Variants in PTPRR observed in about 807,000 individuals in gnomAD.
The protein encoded by PTPRR is protein tyrosine phosphatase receptor type R, also known as receptor-type tyrosine-protein phosphatase R.
PTPRR carries 38 observed loss-of-function variants against 77.2 expected under a neutral mutation model. That is an observed-to-expected ratio of 0.49 (90% CI 0.38 to 0.65). PTPRR has a LOEUF of 0.65. Ranked by LOEUF, PTPRR falls within the 30% of genes least tolerant of loss-of-function variation. PTPRR has a pLI of 0.00. For missense variants in PTPRR, 744 were observed against 799.2 expected, an observed-to-expected ratio of 0.93 and a Z score of 0.83; for synonymous variants, 299 against 283.1, an observed-to-expected ratio of 1.06 and a Z score of -0.57.
intron 6 of PTPRR, among the ~76,000 whole-genome samples, chr12:70,733,470 C>CAAA (rs1193950231): frequency 4.1e-4 from 30 of 74,064 alleles, no homozygotes; most frequent in African/African-American, 1.0e-3. Context: ...AAAATTATGG[C>CAAA]AAAAAAAAAA....
intron 13 of PTPRR, among the ~76,000 whole-genome samples, chr12:70,649,560 G>A (rs1460975498): frequency 6.6e-6 from 1 of 152,024 alleles, no homozygotes; most frequent in Non-Finnish European, 1.5e-5. Context: ...CTTTTAATTA[G>A]TTGGTTCCAC....
Position 70,812,988 on chromosome 12 carries a change from C to A in PTPRR, c.358-48210G>T, listed in dbSNP as rs369813004. 7.9e-4 allele frequency among the ~76,000 whole-genome samples: 121 copies of A among 152,280 alleles called. 1 individual carries two copies. Among genetic ancestry groups the A allele is most frequent in the South Asian group, 5.8e-3 (28 of 4,828 alleles). On this transcript the variant is annotated intron_variant, in intron 2 of 13. Coordinates refer to ENST00000283228, the MANE Select transcript of PTPRR (RefSeq NM_002849.4). ...GAGTATCAAATTAGTTTTAACTTTT[C>A]AAATCTGAGAGAAAGAATTTTAGAA...
chr12:70,850,857 C>T (rs764341475), intron 2 of PTPRR, among the ~76,000 whole-genome samples: 9 of 152,288 alleles, frequency 5.9e-5, no homozygotes, highest in Middle Eastern at 3.4e-3. Flanking sequence ...TTGCTTTGCA[C>T]ACAATACAAC....
At chr12:70,665,361 ATTCTTTTTTT>A (rs1391239478) in intron 10 of PTPRR, among the ~76,000 whole-genome samples, 22 of 98,434 alleles carry the variant, frequency 2.2e-4, no homozygotes, top group African/African-American at 5.4e-4. Flanking sequence ...AGCAATGCAA[ATTCTTTTTTT>A]TTTTTTTTTT....
chr12:70,781,173 C>T (rs73345136), intron 2 of PTPRR, among the ~76,000 whole-genome samples: 1 of 152,118 alleles, frequency 6.6e-6, no homozygotes, highest in East Asian at 1.9e-4. Context: ...ATGTCTTGGT[C>T]CACTAAAACA....
intron 2 of PTPRR, among the ~76,000 whole-genome samples, chr12:70,828,704 G>A (rs182538799): frequency 5.3e-5 from 8 of 152,318 alleles, no homozygotes; most frequent in Admixed American, 5.2e-4. Flanking sequence ...TTAGCTTTCT[G>A]AATGTATTCG....
chr12:70,768,175 T>G (rs1463155689), intron 2 of PTPRR, among the ~76,000 whole-genome samples: 1 of 151,648 alleles, frequency 6.6e-6, no homozygotes, highest in Non-Finnish European at 1.5e-5. Flanking sequence ...AGAGCAGAAC[T>G]GAAGGAAATA....
At chr12:70,891,415 T>C (rs963789995) in intron 2 of PTPRR, among the ~76,000 whole-genome samples, 1 of 152,092 alleles carries the variant, frequency 6.6e-6, no homozygotes, top group Non-Finnish European at 1.5e-5. Flanking sequence ...ATTAACATCA[T>C]TTATCTTCAC....
At chr12:70,887,714 G>A (rs925094542) in intron 2 of PTPRR, among the ~76,000 whole-genome samples, 4 of 152,118 alleles carry the variant, frequency 2.6e-5, no homozygotes, top group African/African-American at 9.7e-5. Flanking sequence ...CTGTCCTGAG[G>A]AAGAGAGAAG....
intron 6 of PTPRR, among the ~76,000 whole-genome samples, chr12:70,706,710 C>G (rs1888632544): frequency 6.6e-6 from 1 of 151,988 alleles, no homozygotes; most frequent in Admixed American, 6.6e-5. Context: ...AAATTCAAAA[C>G]AATCATTTAA....
At chr12:70,893,308 G>A (rs192647254) in intron 1 of PTPRR, among the ~76,000 whole-genome samples, 110 of 151,872 alleles carry the variant, frequency 7.2e-4, no homozygotes, top group African/African-American at 2.5e-3. Flanking sequence ...TCTATTCCTG[G>A]ATGTCCTATC....
At chr12:70,737,156 G>A (rs899888583) in intron 6 of PTPRR, among the ~76,000 whole-genome samples, 1 of 152,122 alleles carries the variant, frequency 6.6e-6, no homozygotes, top group Non-Finnish European at 1.5e-5. Flanking sequence ...GCATGAGGGT[G>A]CAGAGGCTCA....
chr12:70,702,324 G>A (rs1020590801), intron 6 of PTPRR, among the ~76,000 whole-genome samples: 1 of 151,934 alleles, frequency 6.6e-6, no homozygotes, highest in Non-Finnish European at 1.5e-5. Flanking sequence ...AGTCAGAGAT[G>A]GTGTTTACAA....
chr12:70,906,099 A>G lies in PTPRR; in HGVS notation c.59-13122T>C, dbSNP rs1407717948. 4.6e-5 allele frequency among the ~76,000 whole-genome samples: 7 copies of G among 152,070 alleles called. No homozygotes were observed. The East Asian group carries it at 1.4e-3, about 29-fold the overall frequency. On this transcript the variant is annotated intron_variant, in intron 1 of 13. Coordinates refer to ENST00000283228, the MANE Select transcript of PTPRR (RefSeq NM_002849.4). Reference sequence around the variant, plus strand: ...TGCCTATTTAGTATTGAGAAAGGAAAGAAACATGCTTTTTATTAAGAGGAA... The same window carrying G: ...TGCCTATTTAGTATTGAGAAAGGAAGGAAACATGCTTTTTATTAAGAGGAA...
At chr12:70,840,849 C>T (rs1337814257) in intron 2 of PTPRR, among the ~76,000 whole-genome samples, 1 of 152,024 alleles carries the variant, frequency 6.6e-6, no homozygotes, top group Non-Finnish European at 1.5e-5. Flanking sequence ...ATAGTCTCTT[C>T]CAACAAAATT....
intron 2 of PTPRR, among the ~76,000 whole-genome samples, chr12:70,773,525 A>C (rs11178413): frequency 0.053 from 8,110 of 152,260 alleles, 270 homozygotes; most frequent in Admixed American, 0.082. Flanking sequence ...GGGAAGGTCC[A>C]TTAGAAGCAT....
At chr12:70,689,443 C>G (rs768896738) in intron 8 of PTPRR, among the ~76,000 whole-genome samples, 3 of 152,226 alleles carry the variant, frequency 2.0e-5, no homozygotes, top group Admixed American at 6.5e-5. Context: ...ATCTATTACA[C>G]CCTTTGTAAT....
intron 10 of PTPRR, among the ~76,000 whole-genome samples, chr12:70,674,224 C>T (rs568793062): frequency 6.6e-6 from 1 of 152,272 alleles, no homozygotes; most frequent in East Asian, 1.9e-4. Context: ...AATGAGCCAC[C>T]ATGCCTGGCC....
chr12:70,786,178 ACT>A (rs1592756946), intron 2 of PTPRR, among the ~76,000 whole-genome samples: 1 of 152,056 alleles, frequency 6.6e-6, no homozygotes, highest in East Asian at 1.9e-4. Flanking sequence ...AAATAACAAA[ACT>A]CTAATCATCA....
Sources: allele counts gnomAD v4.1 joint callset (sites outside exome capture counted in the v4.1 genomes callset), GRCh38; gene constraint gnomAD v4.1.1; transcripts MANE v1.5; gene names NCBI Gene and HGNC (gene_info 2026-07-23, HGNC 2026-07-21).